Variants in ROBO1 observed in about 807,000 individuals in gnomAD.
The protein encoded by ROBO1 is roundabout guidance receptor 1.
ROBO1 carries 149 observed loss-of-function variants against 195.9 expected under a neutral mutation model. The ratio of observed to expected loss-of-function variants is 0.76; its 90% confidence interval spans 0.67 to 0.87. The LOEUF (loss-of-function observed/expected upper bound fraction) is 0.87, where lower values mean the gene tolerates loss of function less well. Among genes scored for constraint, ROBO1 ranks in the 40% least tolerant of loss-of-function variants. The pLI is 0.00. For synonymous variants in ROBO1, 816 were observed against 733.2 expected, an observed-to-expected ratio of 1.11 and a Z score of -1.82; for missense variants, 1,933 against 2,068.3, an observed-to-expected ratio of 0.93 and a Z score of 1.27.
intron 8 of ROBO1, among the ~76,000 whole-genome samples, chr3:78,697,538 G>A (rs766231017): frequency 2.6e-5 from 4 of 152,040 alleles, no homozygotes; most frequent in South Asian, 4.1e-4. Context: ...AAATAATAGC[G>A]TGAACAACTT....
At chr3:78,660,709 G>T in intron 16 of ROBO1, 1 of 203,226 alleles carries the variant, frequency 4.9e-6, no homozygotes, top group Non-Finnish European at 9.9e-6. Context: ...ATGCTGAATG[G>T]AAAATAAACC....
intron 2 of ROBO1, among the ~76,000 whole-genome samples, chr3:79,139,707 A>G (rs1336126477): frequency 1.3e-5 from 2 of 152,080 alleles, no homozygotes; most frequent in African/African-American, 4.8e-5. Flanking sequence ...TGTGAGAGTT[A>G]ATTTCCGGTC....
At chr3:79,153,354 C>T (rs1026233120) in intron 2 of ROBO1, among the ~76,000 whole-genome samples, 1 of 151,616 alleles carries the variant, frequency 6.6e-6, no homozygotes, top group Non-Finnish European at 1.5e-5. Flanking sequence ...TTATTTAGTG[C>T]TAATTTTGAG....
At position 78,840,336 on chromosome 3, in the gene ROBO1, T is replaced by C. The variant is rs575560144; in HGVS notation, c.500-93436A>G. On this transcript the variant is annotated intron_variant, in intron 4 of 30. Transcript: ENST00000464233. ...TAGATTATAGCCAGTCTACCACTTATACTCACCCTCTATCAAATTATCTGA... is the reference window on the plus strand; with the variant it reads ...TAGATTATAGCCAGTCTACCACTTACACTCACCCTCTATCAAATTATCTGA... Among the ~76,000 whole-genome samples the C allele has an allele frequency of 7.2e-5, 11 of 152,334 alleles. 1 individual carries two copies. The highest frequency in any genetic ancestry group is 2.4e-4 in the African/African-American group (10 of 41,586).
chr3:79,050,740 T>C (rs959123433), intron 3 of ROBO1, among the ~76,000 whole-genome samples: 6 of 152,110 alleles, frequency 3.9e-5, no homozygotes, highest in Non-Finnish European at 5.9e-5. Context: ...AAATTAGAAC[T>C]CAGGATTAAG....
In ROBO1 at chr3:78,655,162, G is replaced by A. The variant is rs546191349; in HGVS notation, c.2614+1936C>T. Among the ~76,000 whole-genome samples the A allele has an allele frequency of 2.6e-5, 4 of 152,236 alleles. No individual in the cohort carries two copies. In the East Asian group the frequency reaches 7.7e-4, roughly 29 times the overall value. ...TTTCATAGTTTTTGGAGAACAGGATGTTTTTAGTTATATGGATAAGTTCTT... is the reference window on the plus strand; with the variant it reads ...TTTCATAGTTTTTGGAGAACAGGATATTTTTAGTTATATGGATAAGTTCTT... On this transcript the variant is annotated intron_variant, in intron 18 of 30. Transcript: ENST00000464233.
chr3:79,201,711 T>C (rs2081767590), intron 2 of ROBO1, among the ~76,000 whole-genome samples: 1 of 151,818 alleles, frequency 6.6e-6, no homozygotes, highest in Admixed American at 6.6e-5. Context: ...CTTCCTCAAC[T>C]GAAAAATCAA....
At chr3:79,469,310 T>C (rs777673701) in intron 2 of ROBO1, among the ~76,000 whole-genome samples, 47 of 152,262 alleles carry the variant, frequency 3.1e-4, no homozygotes, top group Non-Finnish European at 6.2e-4. Context: ...ACAGAATGAA[T>C]TGAGATTAGT....
intron 2 of ROBO1, among the ~76,000 whole-genome samples, chr3:79,205,018 A>C: frequency 6.6e-6 from 1 of 150,646 alleles, no homozygotes; most frequent in East Asian, 1.9e-4. Context: ...TTTTAGAGAG[A>C]GTCTCACTCT....
intron 25 of ROBO1, among the ~76,000 whole-genome samples, chr3:78,629,884 C>G (rs1457460312): frequency 1.3e-5 from 2 of 152,272 alleles, no homozygotes; most frequent in East Asian, 3.9e-4. Flanking sequence ...ATACACTTTG[C>G]TTTCTTGTGT....
At chr3:78,855,270 T>G (rs2034343574) in intron 4 of ROBO1, among the ~76,000 whole-genome samples, 1 of 152,172 alleles carries the variant, frequency 6.6e-6, no homozygotes, top group Admixed American at 6.6e-5. Context: ...AGATTTGGTG[T>G]CTGGAGAACC....
intron 2 of ROBO1, among the ~76,000 whole-genome samples, chr3:79,473,880 T>C (rs796202551): frequency 8.5e-5 from 13 of 152,246 alleles, no homozygotes; most frequent in African/African-American, 3.1e-4. Context: ...GCATTATGCA[T>C]TTCATACCGA....
intron 3 of ROBO1, among the ~76,000 whole-genome samples, chr3:79,078,035 G>A (rs1576646774): frequency 1.3e-5 from 2 of 151,536 alleles, no homozygotes; most frequent in South Asian, 4.2e-4. Context: ...ATTAATCTGT[G>A]GACTCAAAGA....
At chr3:79,460,729 A>G (rs1446259394) in intron 2 of ROBO1, among the ~76,000 whole-genome samples, 1 of 152,100 alleles carries the variant, frequency 6.6e-6, no homozygotes, top group Non-Finnish European at 1.5e-5. Context: ...AGCATGTTTA[A>G]GCAGTATTTT....
At chr3:79,010,531 T>A (rs1413126506) in intron 3 of ROBO1, among the ~76,000 whole-genome samples, 1 of 152,152 alleles carries the variant, frequency 6.6e-6, no homozygotes, top group African/African-American at 2.4e-5. Flanking sequence ...TGATTCCTAG[T>A]GTTTCAGGTT....
chr3:79,340,724 A>G, intron 2 of ROBO1, among the ~76,000 whole-genome samples: 1 of 152,342 alleles, frequency 6.6e-6, no homozygotes, highest in South Asian at 2.1e-4. Flanking sequence ...TGTTTTAAAA[A>G]AGCCAGCTCT....
chr3:79,736,040 C>T (rs538221361), intron 1 of ROBO1, among the ~76,000 whole-genome samples: 4 of 151,878 alleles, frequency 2.6e-5, no homozygotes, highest in Non-Finnish European at 4.4e-5. Context: ...TTCTACAGTG[C>T]GTGTGTAAAA....
intron 2 of ROBO1, among the ~76,000 whole-genome samples, chr3:79,558,699 TGAATG>T (rs1232995340): frequency 6.6e-6 from 1 of 152,198 alleles, no homozygotes; most frequent in African/African-American, 2.4e-5. Context: ...TATTCTGTTA[TGAATG>T]TTGTCTCGGA....
chr3:79,251,445 T>C (rs959948914), intron 2 of ROBO1, among the ~76,000 whole-genome samples: 12 of 152,086 alleles, frequency 7.9e-5, no homozygotes, highest in Non-Finnish European at 1.8e-4. Context: ...GGTAATAACA[T>C]GTTGCATTAA....
Sources: gnomAD v4.1 joint callset for allele counts (sites outside exome capture counted in the v4.1 genomes callset) on GRCh38, gnomAD v4.1.1 for gene constraint, MANE v1.5 for transcripts, NCBI Gene and HGNC (gene_info 2026-07-23, HGNC 2026-07-21) for gene names.